NBEAL1: variants seen among roughly 807,000 people sequenced by gnomAD.
The protein encoded by NBEAL1 is neurobeachin like 1.
NBEAL1 carries 273 observed loss-of-function variants against 351.3 expected under a neutral mutation model. The ratio of observed to expected loss-of-function variants is 0.78; its 90% confidence interval spans 0.70 to 0.86. The LOEUF is 0.86. Among genes scored for constraint, NBEAL1 ranks in the 40% least tolerant of loss-of-function variants. The pLI is 0.00. For missense variants in NBEAL1, 2,961 were observed against 3,201.3 expected, an observed-to-expected ratio of 0.92 and a Z score of 1.81; for synonymous variants, 1,050 against 1,086.4, an observed-to-expected ratio of 0.97 and a Z score of 0.66.
intron 38 of NBEAL1, among the ~76,000 whole-genome samples, chr2:203,167,741 T>A (rs1035658489): frequency 4.6e-5 from 7 of 152,208 alleles, no homozygotes; most frequent in Non-Finnish European, 7.3e-5. Flanking sequence ...AGTTGTTAAG[T>A]GCATATGCTC....
intron 4 of NBEAL1, among the ~76,000 whole-genome samples, chr2:203,052,632 A>G (rs2061341200): frequency 1.3e-5 from 2 of 151,994 alleles, no homozygotes; most frequent in Non-Finnish European, 2.9e-5. Flanking sequence ...ATAAGGGCTC[A>G]TTGCATCCTT....
chr2:203,180,933 A>ATTTGTTTTTTT (rs2064695341), intron 43 of NBEAL1: 1 of 61,698 alleles, frequency 1.6e-5, no homozygotes, highest in African/African-American at 5.4e-5. Flanking sequence ...CAGCCAGTCA[A>ATTTGTTTTTTT]TTTTTTTTTT....
At chr2:203,095,714 T>C (rs560767432) in intron 10 of NBEAL1, among the ~76,000 whole-genome samples, 1 of 152,190 alleles carries the variant, frequency 6.6e-6, no homozygotes, top group East Asian at 1.9e-4. Context: ...TATGAAATAT[T>C]ATTCCTTTAA....
chr2:203,127,899 A>G lies in NBEAL1; in HGVS notation c.3367A>G (p.Ile1123Val). The change falls in exon 24 of 56, where the codon ATT (isoleucine) becomes GTT (valine). Residue 1123 changes from isoleucine to valine, a missense_variant. Coordinates refer to ENST00000683969, the MANE Select transcript of NBEAL1 (RefSeq NM_001378026.1). ...KGGSHEEIQS[I>V]MGYIAATNEE... The stretch of plus-strand genomic sequence containing the variant: ...TGGATCTCATGAAGAGATACAAAGT[A>G]TTATGGGGTACATAGCTGCTACTAA... 6.4e-7 allele frequency: 1 copy of G among 1,552,244 alleles called. No individual in the cohort carries two copies. Among genetic ancestry groups the G allele is most frequent in the Non-Finnish European group, 8.7e-7 (1 of 1,146,202 alleles).
intron 18 of NBEAL1, among the ~76,000 whole-genome samples, chr2:203,116,300 A>G (rs897774191): frequency 1.3e-5 from 2 of 152,218 alleles, no homozygotes; most frequent in African/African-American, 2.4e-5. Flanking sequence ...ACTAATGGCA[A>G]TAGTTACAGT....
rs529326622 is a variant in NBEAL1, at chr2:203,150,448, A to C, written c.5463-1017A>C. 2.9e-4 allele frequency among the ~76,000 whole-genome samples: 44 copies of C among 151,912 alleles called. 1 individual carries two copies. Among genetic ancestry groups the C allele is most frequent in the Non-Finnish European group, 5.6e-4 (38 of 67,958 alleles). On this transcript the variant is annotated intron_variant, in intron 34 of 55. Transcript: ENST00000683969. The stretch of plus-strand genomic sequence containing the variant: ...AGAATGTATATATAAATATATATAT[A>C]TATCGAATAATAGACCCTGATCATA...
intron 34 of NBEAL1, 100 bp from the exon 35 acceptor site, chr2:203,151,365 C>T (rs186310390): frequency 3.2e-4 from 272 of 862,330 alleles, no homozygotes; most frequent in Middle Eastern, 2.5e-3. Flanking sequence ...TGGTACTAAA[C>T]AAATGTAAAA....
intron 10 of NBEAL1, among the ~76,000 whole-genome samples, chr2:203,087,015 T>C (rs2061973396): frequency 6.6e-6 from 1 of 152,120 alleles, no homozygotes; most frequent in Non-Finnish European, 1.5e-5. Context: ...TTATTCTCAC[T>C]GTCATTGCTT....
In NBEAL1 at chr2:203,195,764, T is replaced by C. The variant is rs2065223799; in HGVS notation, c.7039-1538T>C. The stretch of plus-strand genomic sequence containing the variant: ...AATGAAATGTGGAAACACATTTTTT[T>C]GTCGTCAGAGAAGCTCATTAGAGAC... On this transcript the variant is annotated intron_variant, in intron 47 of 55. Transcript: ENST00000683969. 2.0e-5 allele frequency among the ~76,000 whole-genome samples: 3 copies of C among 152,328 alleles called. No individual in the cohort carries two copies. In the South Asian group the frequency reaches 6.2e-4, roughly 32 times the overall value.
At chr2:203,216,684 G>C (rs1018166718) in intron 55 of NBEAL1, among the ~76,000 whole-genome samples, 1 of 152,088 alleles carries the variant, frequency 6.6e-6, no homozygotes, top group African/African-American at 2.4e-5. Context: ...AAGGAATCTG[G>C]TAACTTTGAC....
rs932211905 is a variant in NBEAL1 at position 203,035,798 on chromosome 2, T to G, written c.52-5967T>G. ...GGTGGCAAAGGAGATCATGAAACAT[T>G]TAGATATGTGTAGCATAGAACATTA... is the stretch of plus-strand genomic sequence containing the variant. On this transcript the variant is annotated intron_variant, in intron 2 of 55. Transcript: ENST00000683969. Among the ~76,000 whole-genome samples, 7 of 149,134 alleles carry G rather than the reference T, an allele frequency of 4.7e-5. 1 individual carries two copies. The highest frequency in any genetic ancestry group is 1.3e-4 in the Admixed American group (2 of 14,826).
At chr2:203,065,725 C>T (rs1234893191) in intron 6 of NBEAL1, among the ~76,000 whole-genome samples, 1 of 151,804 alleles carries the variant, frequency 6.6e-6, no homozygotes, top group Non-Finnish European at 1.5e-5. Flanking sequence ...GCACTCCAGC[C>T]TGGGCGACAG....
Position 203,217,887 on chromosome 2 carries a change from A to C in NBEAL1, c.*533A>C. On this transcript the variant is annotated 3_prime_UTR_variant, in exon 56 of 56. Transcript: ENST00000683969. ...GGTAAGAATAAAATAAGAATATTGA[A>C]ACTGGTACATTAGCTAATTCTATTA... 2 of 983,688 alleles carry C rather than the reference A, an allele frequency of 2.0e-6. No individual in the cohort carries two copies. The highest frequency in any genetic ancestry group is 2.4e-6 in the Non-Finnish European group (2 of 828,320). The allele number at this position is 983,688 out of a possible 1,614,324, so 60.9% of individuals were successfully genotyped here.
At chr2:203,074,616 C>T (rs2061739206) in intron 7 of NBEAL1, 2 of 152,302 alleles carry the variant, frequency 1.3e-5, no homozygotes, top group Non-Finnish European at 2.9e-5. Context: ...GCATGAGCCT[C>T]CACCCCCAGC....
chr2:203,145,862 A>G (rs1260560510), intron 33 of NBEAL1, among the ~76,000 whole-genome samples: 9 of 151,892 alleles, frequency 5.9e-5, no homozygotes, highest in Middle Eastern at 3.2e-3. Context: ...CTTATAAGCA[A>G]AAGTAAGGAA....
At chr2:203,073,951 T>C (rs1477259021) in intron 7 of NBEAL1, among the ~76,000 whole-genome samples, 1 of 152,182 alleles carries the variant, frequency 6.6e-6, no homozygotes, top group Non-Finnish European at 1.5e-5. Flanking sequence ...GTTTAAAATA[T>C]TTTCAAATTG....
intron 15 of NBEAL1, among the ~76,000 whole-genome samples, chr2:203,111,043 A>G (rs1387784463): frequency 6.6e-6 from 1 of 152,130 alleles, no homozygotes; most frequent in Non-Finnish European, 1.5e-5. Flanking sequence ...TTGAATTTCA[A>G]TTTAAAATGA....
Position 203,209,163 on chromosome 2 carries a change from TG to T in NBEAL1, c.7628del (p.Gly2543GlufsTer3). On this transcript the variant is annotated frameshift_variant, in exon 53 of 56. Coordinates refer to ENST00000683969, the MANE Select transcript of NBEAL1 (RefSeq NM_001378026.1). LOFTEE classifies it high-confidence loss of function. ...LDMAVSGSRD[G>X]TVIIHTIQKG... ...TTTCTGATATATCCTGTGTGTAGGA[TG>T]GAACGGTGATTATACATACCATTCA... 6.2e-7 allele frequency: 1 copy of T among 1,611,356 alleles called. No individual in the cohort carries two copies. The highest frequency in any genetic ancestry group is 8.5e-7 in the Non-Finnish European group (1 of 1,177,690).
intron 38 of NBEAL1, among the ~76,000 whole-genome samples, chr2:203,168,531 C>T (rs1163484022): frequency 6.6e-6 from 1 of 152,074 alleles, no homozygotes; most frequent in Non-Finnish European, 1.5e-5. Flanking sequence ...TGCAGTGAGC[C>T]GAGATCACGC....
Sources: gnomAD v4.1 joint callset for allele counts (sites outside exome capture counted in the v4.1 genomes callset) on GRCh38, gnomAD v4.1.1 for gene constraint, MANE v1.5 for transcripts, NCBI Gene and HGNC (gene_info 2026-07-23, HGNC 2026-07-21) for gene names.